RGS7: variants seen among roughly 807,000 people sequenced by gnomAD.
The protein encoded by RGS7 is regulator of G-protein signaling 7.
A neutral mutation model predicts 81.1 loss-of-function variants in RGS7; 27 were observed. That is an observed-to-expected ratio of 0.33 (90% CI 0.25 to 0.46). The LOEUF (loss-of-function observed/expected upper bound fraction) is 0.46. Among genes scored for constraint, RGS7 ranks in the 20% least tolerant of loss-of-function variants. The pLI, the probability that RGS7 is intolerant of heterozygous loss-of-function variation, is 1.00. For missense variants in RGS7, 396 were observed against 607.4 expected, an observed-to-expected ratio of 0.65 and a Z score of 3.66; for synonymous variants, 208 against 207.7, an observed-to-expected ratio of 1.00 and a Z score of -0.01.
At chr1:240,790,547 A>T (rs111303647) in intron 18 of RGS7, among the ~76,000 whole-genome samples, 1 of 152,240 alleles carries the variant, frequency 6.6e-6, no homozygotes, top group Non-Finnish European at 1.5e-5. Context: ...ACTAGTTGTC[A>T]TCTAGAGGAA....
intron 2 of RGS7, among the ~76,000 whole-genome samples, chr1:241,325,178 C>T (rs12727439): frequency 1.4e-3 from 219 of 152,276 alleles, no homozygotes; most frequent in Non-Finnish European, 2.3e-3. Flanking sequence ...ATTATTTAAA[C>T]AACAAAGATT....
intron 2 of RGS7, among the ~76,000 whole-genome samples, chr1:241,147,729 ATTTT>A (rs1349052305): frequency 2.4e-5 from 3 of 123,632 alleles, no homozygotes; most frequent in Admixed American, 9.5e-5. Context: ...CAGAATTTTG[ATTTT>A]TTTCCCCTTT....
chr1:240,816,820 C>T (rs1188289755), intron 10 of RGS7, among the ~76,000 whole-genome samples: 2 of 152,040 alleles, frequency 1.3e-5, no homozygotes, highest in African/African-American at 2.4e-5. Context: ...AAAAATAACT[C>T]GATATTTTAC....
At chr1:241,249,512 C>A (rs1366195755) in intron 2 of RGS7, among the ~76,000 whole-genome samples, 1 of 152,096 alleles carries the variant, frequency 6.6e-6, no homozygotes, top group Non-Finnish European at 1.5e-5. Flanking sequence ...AATTCCTTAA[C>A]TTTGACGTCT....
chr1:241,299,935 CAAAA>C (rs35939099), intron 2 of RGS7, among the ~76,000 whole-genome samples: 5 of 58,078 alleles, frequency 8.6e-5, no homozygotes, highest in Admixed American at 5.6e-4. Context: ...CTCGTTTCTC[CAAAA>C]AAAAAAAAAA....
At chr1:241,314,935 T>C (rs2148575710) in intron 2 of RGS7, among the ~76,000 whole-genome samples, 1 of 152,248 alleles carries the variant, frequency 6.6e-6, no homozygotes. Flanking sequence ...CTGATAGTAG[T>C]AGCAGTAGAA....
intron 18 of RGS7, among the ~76,000 whole-genome samples, chr1:240,792,324 T>C (rs1204910637): frequency 6.6e-6 from 1 of 152,212 alleles, no homozygotes; most frequent in Non-Finnish European, 1.5e-5. Flanking sequence ...TCATCTAATG[T>C]GCAGATGACT....
chr1:241,243,599 T>C (rs1211743366), intron 2 of RGS7, among the ~76,000 whole-genome samples: 1 of 152,162 alleles, frequency 6.6e-6, no homozygotes, highest in Non-Finnish European at 1.5e-5. Flanking sequence ...AGAAGATTCA[T>C]AGGCTTTTAC....
chr1:241,295,179 T>A (rs1387168737), intron 2 of RGS7, among the ~76,000 whole-genome samples: 1 of 152,290 alleles, frequency 6.6e-6, no homozygotes, highest in East Asian at 1.9e-4. Flanking sequence ...CCGGGTGCGG[T>A]GGCTCACGCC....
chr1:241,025,130 A>C (rs943492144), intron 3 of RGS7, among the ~76,000 whole-genome samples: 1 of 152,188 alleles, frequency 6.6e-6, no homozygotes, highest in African/African-American at 2.4e-5. Flanking sequence ...TGAAAGGCAA[A>C]GTATTTTAGG....
intron 9 of RGS7, among the ~76,000 whole-genome samples, chr1:240,843,143 G>A (rs1290349482): frequency 6.7e-6 from 1 of 150,368 alleles, no homozygotes; most frequent in African/African-American, 2.5e-5. Flanking sequence ...CCAGCCTCGG[G>A]CACAAGAGCG....
intron 9 of RGS7, among the ~76,000 whole-genome samples, chr1:240,843,511 C>T (rs1349302048): frequency 1.3e-5 from 2 of 152,168 alleles, no homozygotes; most frequent in Non-Finnish European, 2.9e-5. Context: ...AGTGATCCTC[C>T]TGCCTTGGCC....
chr1:240,834,068 C>T lies in RGS7; in HGVS notation c.610-6896G>A, dbSNP rs1694287234. The stretch of plus-strand genomic sequence containing the variant: ...TCCTAAAGCTCTGGTATTACAGGTG[C>T]GAAGCACTGTGCCTAGCCAGGATTC... On this transcript the variant is annotated intron_variant, in intron 9 of 18. Transcript: ENST00000440928. Among the ~76,000 whole-genome samples the T allele has an allele frequency of 3.3e-5, 5 of 152,188 alleles. 1 individual carries two copies. The highest frequency in any genetic ancestry group is 4.1e-4 in the South Asian group (2 of 4,822).
At chr1:240,987,320 A>G (rs1685809556) in intron 3 of RGS7, among the ~76,000 whole-genome samples, 1 of 152,196 alleles carries the variant, frequency 6.6e-6, no homozygotes. Context: ...TAATCACCAT[A>G]GAAGGTGCGC....
chr1:240,865,437 C>T (rs1007146845), intron 9 of RGS7, among the ~76,000 whole-genome samples: 3 of 152,170 alleles, frequency 2.0e-5, no homozygotes, highest in African/African-American at 4.8e-5. Context: ...TTTTCCTACA[C>T]GTGGTCTGGG....
intron 2 of RGS7, among the ~76,000 whole-genome samples, chr1:241,209,495 T>G (rs958390187): frequency 6.6e-6 from 1 of 152,168 alleles, no homozygotes; most frequent in African/African-American, 2.4e-5. Context: ...TAGGTAGCAC[T>G]TATCAAGAGT....
chr1:240,998,406 T>C (rs1170828666), intron 3 of RGS7: 2 of 601,828 alleles, frequency 3.3e-6, no homozygotes, highest in East Asian at 2.9e-5. Context: ...ACTTTTTTTT[T>C]TTAAGTTCAG....
chr1:241,195,672 A>G (rs974646639), intron 2 of RGS7, among the ~76,000 whole-genome samples: 14 of 152,118 alleles, frequency 9.2e-5, no homozygotes, highest in African/African-American at 3.4e-4. Context: ...TATAAAAACA[A>G]AGAAAATATA....
At chr1:241,327,080 G>GAGAAAGAAAGAAAGAGAAAGAA (rs1175185156) in intron 2 of RGS7, among the ~76,000 whole-genome samples, 1 of 49,398 alleles carries the variant, frequency 2.0e-5, no homozygotes, top group African/African-American at 8.5e-5. Flanking sequence ...AAGGAAGGAA[G>GAGAAAGAAAGAAAGAGAAAGAA]AGAAAGAAAG....
Sources: allele counts gnomAD v4.1 joint callset (sites outside exome capture counted in the v4.1 genomes callset), GRCh38; gene constraint gnomAD v4.1.1; transcripts MANE v1.5; gene names NCBI Gene and HGNC (gene_info 2026-07-23, HGNC 2026-07-21).